Variants in AGMO observed in about 807,000 individuals in gnomAD.
AGMO encodes alkylglycerol monooxygenase.
A neutral mutation model predicts 60.2 loss-of-function variants in AGMO; 75 were observed. That is an observed-to-expected ratio of 1.25 (90% CI 1.03 to 1.51). The LOEUF (loss-of-function observed/expected upper bound fraction) is 1.51. Ranked by LOEUF, AGMO falls within the 40% of genes most tolerant of loss-of-function variation. The pLI, the probability that AGMO is intolerant of heterozygous loss-of-function variation, is 0.00. For synonymous variants in AGMO, 261 were observed against 177.1 expected, an observed-to-expected ratio of 1.47 and a Z score of -3.76; for missense variants, 763 against 525.5, an observed-to-expected ratio of 1.45 and a Z score of -4.42.
chr7:15,521,339 T>A (rs1446496355), intron 3 of AGMO, among the ~76,000 whole-genome samples: 1 of 152,082 alleles, frequency 6.6e-6, no homozygotes, highest in East Asian at 1.9e-4. Context: ...CCTCCCTAAC[T>A]CTTTTTATGA....
At chr7:15,193,946 T>G in the AGMO span, among the ~76,000 whole-genome samples, 2 of 152,158 alleles carry the variant, frequency 1.3e-5, no homozygotes, top group Non-Finnish European at 2.9e-5. Flanking sequence ...TATTTTTAAA[T>G]TTTCACAATA....
At chr7:15,487,165 T>C (rs984371795) in intron 3 of AGMO, among the ~76,000 whole-genome samples, 1 of 152,236 alleles carries the variant, frequency 6.6e-6, no homozygotes, top group Non-Finnish European at 1.5e-5. Flanking sequence ...TAAAAAGTTA[T>C]ATTTTACACT....
At chr7:15,222,006 ATTAG>A (rs1472131991) in intron 12 of AGMO, among the ~76,000 whole-genome samples, 2 of 152,114 alleles carry the variant, frequency 1.3e-5, no homozygotes, top group African/African-American at 4.8e-5. Context: ...TTTTCTTATG[ATTAG>A]TTATTCAGTT....
chr7:15,413,707 G>C (rs1208925355), intron 5 of AGMO, among the ~76,000 whole-genome samples: 1 of 152,034 alleles, frequency 6.6e-6, no homozygotes, highest in Non-Finnish European at 1.5e-5. Context: ...TATCCATTAA[G>C]AATTTCATAT....
At chr7:15,560,647 G>A (rs1188019277) in intron 1 of AGMO, among the ~76,000 whole-genome samples, 1 of 152,090 alleles carries the variant, frequency 6.6e-6, no homozygotes, top group African/African-American at 2.4e-5. Context: ...CACTTCAAGA[G>A]GCTTTCCTTA....
intron 3 of AGMO, among the ~76,000 whole-genome samples, chr7:15,462,677 A>G (rs1174105777): frequency 6.6e-6 from 1 of 152,174 alleles, no homozygotes; most frequent in East Asian, 1.9e-4. Context: ...TATTCACAAA[A>G]CTTTTTCACC....
the AGMO span, among the ~76,000 whole-genome samples, chr7:15,153,852 T>A: frequency 6.6e-6 from 1 of 152,092 alleles, no homozygotes; most frequent in Non-Finnish European, 1.5e-5. Flanking sequence ...AATGCTACAT[T>A]TTTTTTCTAG....
chr7:15,238,490 T>G (rs1013439501), intron 12 of AGMO, among the ~76,000 whole-genome samples: 1 of 151,854 alleles, frequency 6.6e-6, no homozygotes, highest in Admixed American at 6.6e-5. Flanking sequence ...TTGATCATTA[T>G]ACATTATACA....
chr7:15,125,216 G>A, the AGMO span, among the ~76,000 whole-genome samples: 1 of 152,164 alleles, frequency 6.6e-6, no homozygotes, highest in South Asian at 2.1e-4. Context: ...TTTGATAGCT[G>A]CTTCTCCAGT....
intron 12 of AGMO, among the ~76,000 whole-genome samples, chr7:15,210,727 A>C (rs1456096096): frequency 6.6e-6 from 1 of 152,074 alleles, no homozygotes; most frequent in Non-Finnish European, 1.5e-5. Context: ...ATTCAAAATA[A>C]ATCTTTGGCT....
chr7:15,284,321 A>G (rs1444869373), intron 12 of AGMO, among the ~76,000 whole-genome samples: 1 of 152,102 alleles, frequency 6.6e-6, no homozygotes, highest in Non-Finnish European at 1.5e-5. Flanking sequence ...AAACAAATTG[A>G]TAGACCATTA....
At chr7:15,532,966 G>A (rs1042136164) in intron 3 of AGMO, among the ~76,000 whole-genome samples, 2 of 152,048 alleles carry the variant, frequency 1.3e-5, no homozygotes, top group African/African-American at 4.8e-5. Context: ...ACTCCAGCCT[G>A]GGTGACAGAG....
chr7:15,536,235 C>T (rs77145158), intron 3 of AGMO, among the ~76,000 whole-genome samples: 8 of 151,768 alleles, frequency 5.3e-5, no homozygotes, highest in East Asian at 3.9e-4. Flanking sequence ...ATAGATTAAA[C>T]GGCTCAAATC....
In AGMO at chr7:15,474,290, A is replaced by ACT. The variant is rs1319631402; in HGVS notation, c.410-43184_410-43183dup. Among the ~76,000 whole-genome samples the ACT allele has an allele frequency of 3.1e-3, 466 of 152,296 alleles. 3 individuals carry two copies. Among genetic ancestry groups the ACT allele is most frequent in the Non-Finnish European group, 5.5e-3 (377 of 68,022 alleles). On this transcript the variant is annotated intron_variant, in intron 3 of 12. Coordinates refer to ENST00000342526, the MANE Select transcript of AGMO (RefSeq NM_001004320.2). ...AAAGCTGGAGGAATAATGTTACCTGACTTCAAACTATACTACAAGCCTACA... is the reference window on the plus strand; with the variant it reads ...AAAGCTGGAGGAATAATGTTACCTGACTCTTCAAACTATACTACAAGCCTACA...
chr7:15,416,026 T>C (rs920788959), intron 5 of AGMO, among the ~76,000 whole-genome samples: 1 of 149,928 alleles, frequency 6.7e-6, no homozygotes, highest in Admixed American at 6.7e-5. Context: ...TTTCTTTTTT[T>C]CTTTTTTTTT....
At chr7:15,504,789 A>C (rs1269372151) in intron 3 of AGMO, among the ~76,000 whole-genome samples, 1 of 151,822 alleles carries the variant, frequency 6.6e-6, no homozygotes, top group African/African-American at 2.4e-5. Context: ...TAAAAAAAAA[A>C]AAAGGGTTAA....
intron 3 of AGMO, among the ~76,000 whole-genome samples, chr7:15,521,554 A>G (rs1194610240): frequency 6.6e-6 from 1 of 152,202 alleles, no homozygotes; most frequent in Non-Finnish European, 1.5e-5. Context: ...TAAGCAAATC[A>G]ATAAATGTAA....
chr7:15,170,612 G>A, the AGMO span, among the ~76,000 whole-genome samples: 4 of 151,898 alleles, frequency 2.6e-5, no homozygotes, highest in East Asian at 7.7e-4. Context: ...TGTAAAGATA[G>A]TATAGAGTAT....
Position 15,355,320 on chromosome 7 carries a change from G to GT in AGMO, c.1263+10193dup, listed in dbSNP as rs570316669. Among the ~76,000 whole-genome samples, 35 of 152,062 alleles carry GT rather than the reference G, an allele frequency of 2.3e-4. No homozygotes were observed. In the East Asian group the frequency reaches 6.6e-3, roughly 29 times the overall value. ...GATCGAGACCATCCTGGCTAACACG[G>GT]TGAAACGCTGTCTCTACTAAAAATA... On this transcript the variant is annotated intron_variant, in intron 12 of 12. Transcript: ENST00000342526.
Sources: allele counts gnomAD v4.1 joint callset (sites outside exome capture counted in the v4.1 genomes callset), GRCh38; gene constraint gnomAD v4.1.1; transcripts MANE v1.5; gene names NCBI Gene and HGNC (gene_info 2026-07-23, HGNC 2026-07-21).